Variants in PTPRM observed in about 807,000 individuals in gnomAD.
PTPRM encodes the protein receptor-type tyrosine-protein phosphatase mu.
PTPRM carries 47 observed loss-of-function variants against 186.7 expected under a neutral mutation model. The observed-to-expected ratio is 0.25, with a 90% CI of 0.20 to 0.32. The LOEUF (loss-of-function observed/expected upper bound fraction) is 0.32, where lower values mean the gene tolerates loss of function less well. Ranked by LOEUF, PTPRM falls within the 10% of genes least tolerant of loss-of-function variation. The pLI is 1.00. For missense variants in PTPRM, 1,494 were observed against 1,865.0 expected, an observed-to-expected ratio of 0.80 and a Z score of 3.66; for synonymous variants, 668 against 674.9, an observed-to-expected ratio of 0.99 and a Z score of 0.16.
rs952163970 is a variant in PTPRM at position 7,812,889 on chromosome 18, GGT to G, written c.196+38620_196+38621del. 5.3e-5 allele frequency among the ~76,000 whole-genome samples: 8 copies of G among 152,296 alleles called. No individual in the cohort carries two copies. The East Asian group carries it at 1.5e-3, about 29-fold the overall frequency. ...GCCATCAGAGCAGCAGTGGCGCAGAGGTGCTGGGTGGATCTTGTCAGTTTGAG... is the reference window on the plus strand; with the variant it reads ...GCCATCAGAGCAGCAGTGGCGCAGAGGCTGGGTGGATCTTGTCAGTTTGAG... On this transcript the variant is annotated intron_variant, in intron 2 of 32. Coordinates refer to ENST00000580170, the MANE Select transcript of PTPRM (RefSeq NM_001105244.2).
At chr18:8,246,764 G>A (rs1303615131) in intron 15 of PTPRM, among the ~76,000 whole-genome samples, 1 of 152,044 alleles carries the variant, frequency 6.6e-6, no homozygotes, top group African/African-American at 2.4e-5. Context: ...CCTGAGTTCT[G>A]GTCTTTGTTC....
intron 14 of PTPRM, among the ~76,000 whole-genome samples, chr18:8,158,034 C>T (rs931878215): frequency 1.3e-5 from 2 of 152,184 alleles, no homozygotes; most frequent in African/African-American, 4.8e-5. Context: ...CCTGAACTTG[C>T]ACCACATTCA....
At chr18:7,836,599 A>G (rs1489132205) in intron 2 of PTPRM, among the ~76,000 whole-genome samples, 1 of 152,166 alleles carries the variant, frequency 6.6e-6, no homozygotes, top group Non-Finnish European at 1.5e-5. Flanking sequence ...AGTGAGCTTC[A>G]GATGATATAT....
chr18:7,647,798 T>G (rs1287713652), intron 1 of PTPRM, among the ~76,000 whole-genome samples: 2 of 152,190 alleles, frequency 1.3e-5, no homozygotes, highest in Non-Finnish European at 2.9e-5. Context: ...GGAGGACTTG[T>G]GAAAACACAG....
chr18:7,774,031 A>T, intron 1 of PTPRM, 118 bp from the exon 2 acceptor site: 1 of 1,029,638 alleles, frequency 9.7e-7, no homozygotes, highest in Non-Finnish European at 1.4e-6. Flanking sequence ...GGAAAGACCT[A>T]ATCAGATTTA....
chr18:8,290,348 C>T (rs2095028882), intron 19 of PTPRM, among the ~76,000 whole-genome samples: 1 of 152,088 alleles, frequency 6.6e-6, no homozygotes, highest in African/African-American at 2.4e-5. Context: ...TTATGTACGG[C>T]CTTGACCTGC....
intron 11 of PTPRM, among the ~76,000 whole-genome samples, chr18:8,110,997 G>C (rs1333150976): frequency 1.6e-4 from 24 of 152,132 alleles, no homozygotes; most frequent in Admixed American, 1.6e-3. Context: ...AGCACAGCCT[G>C]GTCTGATGAT....
At chr18:8,399,740 T>G (rs1353099909) in intron 32 of PTPRM, 2 of 152,246 alleles carry the variant, frequency 1.3e-5, no homozygotes, top group Non-Finnish European at 2.9e-5. Context: ...CCTGCTGATG[T>G]TCAACCACCC....
At chr18:8,193,301 T>C (rs1246711045) in intron 14 of PTPRM, among the ~76,000 whole-genome samples, 1 of 152,198 alleles carries the variant, frequency 6.6e-6, no homozygotes, top group Non-Finnish European at 1.5e-5. Flanking sequence ...GGGGAGGATG[T>C]TCAAAATGAG....
intron 1 of PTPRM, among the ~76,000 whole-genome samples, chr18:7,711,002 C>T (rs2040200237): frequency 1.3e-5 from 2 of 152,098 alleles, no homozygotes; most frequent in South Asian, 4.1e-4. Flanking sequence ...CAACTCAGTT[C>T]TCATCAAAAT....
intron 4 of PTPRM, among the ~76,000 whole-genome samples, chr18:7,907,688 T>C (rs1699571934): frequency 6.6e-6 from 1 of 152,116 alleles, no homozygotes; most frequent in South Asian, 2.1e-4. Flanking sequence ...TCCCACTCTG[T>C]CAAGGGAGCT....
chr18:8,339,821 G>T (rs918517376), intron 22 of PTPRM, among the ~76,000 whole-genome samples: 13 of 152,060 alleles, frequency 8.5e-5, no homozygotes, highest in African/African-American at 3.1e-4. Context: ...CCCCTCCCCT[G>T]GCCTGGAGGG....
chr18:8,376,050 G>T lies in PTPRM; in HGVS notation c.3176G>T (p.Gly1059Val). Residue 1059 changes from glycine to valine, a missense_variant, in exon 25 of 33, where the codon GGT (glycine) becomes GTT (valine). Around this residue, in one of 3 missense-constraint regions of PTPRM, gnomAD observed 1,107 missense variants for 1,350.2 expected, o/e 0.82. Coordinates refer to ENST00000580170, the MANE Select transcript of PTPRM (RefSeq NM_001105244.2). ...VIRTFAVEKR[G>V]VHEIREIRQF... ...CTGGCTAACCAACTACTGCAGAGAG[G>T]TGTGCATGAAATCCGAGAGATCAGA... 6.2e-7 allele frequency: 1 copy of T among 1,609,102 alleles called. No homozygotes were observed. Among genetic ancestry groups the T allele is most frequent in the Non-Finnish European group, 8.5e-7 (1 of 1,175,826 alleles).
chr18:7,640,006 G>A (rs796741807), intron 1 of PTPRM, among the ~76,000 whole-genome samples: 1 of 152,126 alleles, frequency 6.6e-6, no homozygotes, highest in African/African-American at 2.4e-5. Context: ...TGCATAACTA[G>A]TGTTTTCCAG....
At chr18:8,056,225 T>A (rs1018126307) in intron 7 of PTPRM, among the ~76,000 whole-genome samples, 1 of 152,222 alleles carries the variant, frequency 6.6e-6, no homozygotes, top group African/African-American at 2.4e-5. Flanking sequence ...AGAGAAATTC[T>A]TAACATAAAC....
Position 8,332,724 on chromosome 18 carries a change from G to C in PTPRM, c.2957-10699G>C, listed in dbSNP as rs574266407. The stretch of plus-strand genomic sequence containing the variant: ...CCGCCAACCAGAGAGGGCCAGGTGA[G>C]GGGAAAAGACTCTTGTCACAGGAAA... On this transcript the variant is annotated intron_variant, in intron 22 of 32. Transcript: ENST00000580170. Among the ~76,000 whole-genome samples, 7 of 152,294 alleles carry C rather than the reference G, an allele frequency of 4.6e-5. No individual in the cohort carries two copies. The East Asian group carries it at 1.4e-3, about 29-fold the overall frequency.
intron 11 of PTPRM, among the ~76,000 whole-genome samples, chr18:8,101,708 A>T (rs2091297571): frequency 1.3e-5 from 2 of 152,192 alleles, no homozygotes. Flanking sequence ...CCCCAAAGCC[A>T]TGAGCTTTCC....
At chr18:8,270,045 A>T (rs941939471) in intron 19 of PTPRM, 1 of 152,018 alleles carries the variant, frequency 6.6e-6, no homozygotes, top group African/African-American at 2.4e-5. Flanking sequence ...TCGATATGAA[A>T]CAAAGACATA....
At chr18:8,225,606 C>G (rs933871162) in intron 14 of PTPRM, among the ~76,000 whole-genome samples, 1 of 152,218 alleles carries the variant, frequency 6.6e-6, no homozygotes, top group Non-Finnish European at 1.5e-5. Context: ...AGGCTCACAT[C>G]AGCCACTTTC....
Sources: gnomAD v4.1 joint callset for allele counts (sites outside exome capture counted in the v4.1 genomes callset) on GRCh38, gnomAD v4.1.1 for gene constraint, gnomAD v4.1.1 regional missense constraint, MANE v1.5 for transcripts, NCBI Gene and HGNC (gene_info 2026-07-23, HGNC 2026-07-21) for gene names.